Variants in MYBPH observed in about 807,000 individuals in gnomAD.
MYBPH encodes myosin-binding protein H.
In MYBPH, 49 loss-of-function variants were observed where a neutral mutation model predicts 53.6. The observed-to-expected ratio is 0.91, with a 90% CI of 0.73 to 1.16. The LOEUF (loss-of-function observed/expected upper bound fraction) is 1.16. Among genes scored for constraint, MYBPH ranks in the 50% most tolerant of loss-of-function variants. MYBPH has a pLI of 0.00. For missense variants in MYBPH, 558 were observed against 624.1 expected (o/e 0.89, Z 1.13); for synonymous variants, 239 against 249.6 (o/e 0.96, Z 0.40).
Position 203,167,824 on chromosome 1 carries a change from A to C in MYBPH, c.*300T>G, listed in dbSNP as rs1655612502. The stretch of plus-strand genomic sequence containing the variant: ...ACAGAGGCCCCGCACTGTTAACACC[A>C]CGCATCTTTATTTGAGTGCTTCCCA... On this transcript the variant is annotated 3_prime_UTR_variant, in exon 11 of 11. Transcript: ENST00000255416. 1 of 151,970 alleles carries C rather than the reference A, an allele frequency of 6.6e-6. No individual in the cohort carries two copies. The highest frequency in any genetic ancestry group is 1.5e-5 in the Non-Finnish European group (1 of 68,142). 9.4% of individuals were successfully genotyped at this position (151,970 alleles called of 1,614,324 possible).
Position 203,175,760 on chromosome 1 carries a change from G to A in MYBPH, c.-5C>T. ...GGAGGTGTTTTTTTCCATCATTGCT[G>A]GACTGGCTGGGGGGCCAGGGTGGAG... On this transcript the variant is annotated 5_prime_UTR_variant, in exon 1 of 11. Coordinates refer to ENST00000255416, the MANE Select transcript of MYBPH (RefSeq NM_004997.3). 1 of 1,613,702 alleles carries A rather than the reference G, an allele frequency of 6.2e-7. No homozygotes were observed. The highest frequency in any genetic ancestry group is 8.5e-7 in the Non-Finnish European group (1 of 1,180,008).
intron 7 of MYBPH, among the ~76,000 whole-genome samples, chr1:203,169,644 C>G (rs369930885): frequency 1.3e-5 from 2 of 152,176 alleles, no homozygotes; most frequent in Admixed American, 1.3e-4. Flanking sequence ...AGAGGTGCCA[C>G]GTTTCCTTTG....
chr1:203,172,197 A>C (rs1174795252), intron 3 of MYBPH, among the ~76,000 whole-genome samples, 157 bp from the exon 4 acceptor site: 1 of 151,928 alleles, frequency 6.6e-6, no homozygotes, highest in Non-Finnish European at 1.5e-5. Flanking sequence ...GGAAGGGTGA[A>C]GCTCTCACTC....
rs1655614198 is a variant in MYBPH at position 203,167,875 on chromosome 1, TC to T, written c.*248del. On this transcript the variant is annotated 3_prime_UTR_variant, in exon 11 of 11. Coordinates refer to ENST00000255416, the MANE Select transcript of MYBPH (RefSeq NM_004997.3). The stretch of plus-strand genomic sequence containing the variant: ...CCCAGAGTGCAACTCCGCAGGGCAC[TC>T]CAATCTCTGCGCCTTCCAGCACCCC... 1 of 153,032 alleles carries T rather than the reference TC, an allele frequency of 6.5e-6. No homozygotes were observed. Among genetic ancestry groups the T allele is most frequent in the Admixed American group, 6.5e-5 (1 of 15,454 alleles). 9.5% of individuals were successfully genotyped at this position (153,032 alleles called of 1,614,324 possible). A position where few individuals can be genotyped will look rare whatever the true frequency, so the allele number is the denominator to read the frequency against.
In MYBPH at chr1:203,168,889, C is replaced by T. The variant is rs113277344; in HGVS notation, c.1417+17G>A. 635 of 1,613,146 alleles carry T rather than the reference C, an allele frequency of 3.9e-4. 1 individual carries two copies. The highest frequency in any genetic ancestry group is 3.3e-3 in the Middle Eastern group (20 of 6,056). ...AGAGAGGTGCTTACTCCTGTTCTCC[C>T]GTCCTCAAACTCTCACCTTTGACCT... On this transcript the variant is annotated intron_variant, in intron 9 of 10. Transcript: ENST00000255416.
upstream of MYBPH, among the ~76,000 whole-genome samples, chr1:203,177,726 G>T (rs552115342): frequency 2.0e-5 from 3 of 152,396 alleles, no homozygotes; most frequent in East Asian, 5.8e-4. Flanking sequence ...TGGGGGAAGG[G>T]TGGCCCCAGG....
At chr1:203,175,265 G>C in intron 2 of MYBPH, 62 bp downstream of exon 2, 1 of 1,499,138 alleles carries the variant, frequency 6.7e-7, no homozygotes, top group East Asian at 2.3e-5. Context: ...CTGTGCACTT[G>C]TCCCTGCAGC....
At chr1:203,173,465 AGGCTGGGTGACCTCAAGGGATGCCCTG>A (rs1461667191) in intron 3 of MYBPH, among the ~76,000 whole-genome samples, 1 of 152,230 alleles carries the variant, frequency 6.6e-6, no homozygotes, top group East Asian at 1.9e-4. Flanking sequence ...TGCCAATAAA[AGGCTGGGTGACCTCAAGGGATGCCCTG>A]GGCTCCTTGG....
intron 2 of MYBPH, 150 bp downstream of exon 2, chr1:203,175,177 G>T: frequency 1.1e-6 from 1 of 920,244 alleles, no homozygotes; most frequent in Non-Finnish European, 1.5e-6. Flanking sequence ...AGCAAGAAAG[G>T]GCAGGTGGGT....
At chr1:203,170,554 T>A in intron 6 of MYBPH, 104 bp from the exon 7 acceptor site, 1 of 1,441,640 alleles carries the variant, frequency 6.9e-7, no homozygotes. Flanking sequence ...GCCCCCAACC[T>A]TAGGATGCTG....
Position 203,171,951 on chromosome 1 carries a change from C to G in MYBPH, c.597+1G>C. ...TTACCCTTGGTGGGGGTAATACCCA[C>G]CTGGAAGGGGATTTGCAGGTTGACC... On this transcript the variant is annotated splice_donor_variant, in intron 4 of 10. Transcript: ENST00000255416. LOFTEE classifies it high-confidence loss of function. This position sits in a 1 kb window ranked among gnomAD's most constrained non-coding sequence, Gnocchi z 4.2. The G allele has an allele frequency of 1.5e-6, 2 of 1,318,386 alleles. No individual in the cohort carries two copies. Among genetic ancestry groups the G allele is most frequent in the Non-Finnish European group, 1.9e-6 (2 of 1,026,050 alleles). 81.7% of individuals were successfully genotyped at this position (1,318,386 alleles called of 1,614,324 possible). A position where few individuals can be genotyped will look rare whatever the true frequency, so the allele number is the denominator to read the frequency against.
upstream of MYBPH, among the ~76,000 whole-genome samples, chr1:203,177,970 C>T (rs986313725): frequency 3.9e-5 from 6 of 152,260 alleles, no homozygotes; most frequent in African/African-American, 1.4e-4. Context: ...CCAGCTGGTT[C>T]AGATTTCAGA....
Position 203,171,815 on chromosome 1 carries a change from G to T in MYBPH, c.597+137C>A. The T allele has an allele frequency of 1.4e-6, 1 of 716,490 alleles. No individual in the cohort carries two copies. The highest frequency in any genetic ancestry group is 2.2e-6 in the Non-Finnish European group (1 of 461,378). The allele number at this position is 716,490 out of a possible 1,614,324, so 44.4% of individuals were successfully genotyped here. A position where few individuals can be genotyped will look rare whatever the true frequency, so the allele number is the denominator to read the frequency against. On this transcript the variant is annotated intron_variant, in intron 4 of 10. Coordinates refer to ENST00000255416, the MANE Select transcript of MYBPH (RefSeq NM_004997.3). The surrounding 1 kb of genome is among the most constrained non-coding windows in gnomAD (Gnocchi z 4.2). ...GCTGAGAATCACCAATGAGTCATGTGCATGATTGCGGAAGGATGAAGCCGT... is the reference window on the plus strand; with the variant it reads ...GCTGAGAATCACCAATGAGTCATGTTCATGATTGCGGAAGGATGAAGCCGT...
At chr1:203,175,195 G>A in intron 2 of MYBPH, 132 bp downstream of exon 2, 3 of 1,179,068 alleles carry the variant, frequency 2.5e-6, no homozygotes, top group Non-Finnish European at 2.2e-6. Context: ...GGTGGGTTGA[G>A]GAGCCTACTG....
Position 203,169,369 on chromosome 1 carries a change from C to CT in MYBPH, c.1113dup (p.Gly372ArgfsTer4), listed in dbSNP as rs750354352. The CT allele has an allele frequency of 6.3e-7, 1 of 1,585,130 alleles. No individual in the cohort carries two copies. The highest frequency in any genetic ancestry group is 8.6e-7 in the Non-Finnish European group (1 of 1,164,052). On this transcript the variant is annotated frameshift_variant, in exon 8 of 11. Coordinates refer to ENST00000255416, the MANE Select transcript of MYBPH (RefSeq NM_004997.3). LOFTEE classifies it high-confidence loss of function. The stretch of plus-strand genomic sequence containing the variant: ...TCTGAGAAGTCTCGCTCAATAAACC[C>CT]TTTAGGTTTGGCAGCAATATCTGGG...
At chr1:203,170,104 C>T (rs1017594749) in intron 7 of MYBPH, among the ~76,000 whole-genome samples, 187 bp downstream of exon 7, 12 of 152,204 alleles carry the variant, frequency 7.9e-5, no homozygotes, top group African/African-American at 2.4e-4. Flanking sequence ...TTGTTAAAAT[C>T]AGCCAACCAC....
upstream of MYBPH, among the ~76,000 whole-genome samples, chr1:203,178,377 C>T (rs966256100): frequency 9.9e-5 from 15 of 152,216 alleles, no homozygotes; most frequent in South Asian, 2.1e-4. Flanking sequence ...AGCCCAGCCA[C>T]GGAATGGGTT....
intron 7 of MYBPH, 92 bp from the exon 8 acceptor site, chr1:203,169,481 C>T: frequency 6.7e-7 from 1 of 1,501,786 alleles, no homozygotes; most frequent in South Asian, 1.2e-5. Context: ...CTATGGATAG[C>T]AAGTCGTGGC....
chr1:203,170,530 G>C, intron 6 of MYBPH, 80 bp from the exon 7 acceptor site: 1 of 1,533,896 alleles, frequency 6.5e-7, no homozygotes, highest in South Asian at 1.2e-5. Flanking sequence ...TTTCCTCACA[G>C]GAACTCATTC....
Sources: gnomAD v4.1 joint callset for allele counts (sites outside exome capture counted in the v4.1 genomes callset) on GRCh38, gnomAD v4.1.1 for gene constraint, Gnocchi (gnomAD v3.1) non-coding constraint, MANE v1.5 for transcripts, NCBI Gene and HGNC (gene_info 2026-07-23, HGNC 2026-07-21) for gene names.